MARCHF1: variants seen among roughly 807,000 people sequenced by gnomAD.
MARCHF1 encodes E3 ubiquitin-protein ligase MARCHF1.
A neutral mutation model predicts 54.2 loss-of-function variants in MARCHF1; 40 were observed. The ratio of observed to expected loss-of-function variants is 0.74; its 90% CI spans 0.57 to 0.96. The LOEUF (loss-of-function observed/expected upper bound fraction) is 0.96. MARCHF1 is among the 40% of genes least tolerant of loss of function. The probability of loss-of-function intolerance (pLI) is 0.00; values close to 1 mark genes in which losing one functional copy is unlikely to be tolerated. For missense variants in MARCHF1, 586 were observed against 656.5 expected, an observed-to-expected ratio of 0.89 and a Z score of 1.17; for synonymous variants, 236 against 236.3, an observed-to-expected ratio of 1.00 and a Z score of 0.01.
chr4:164,265,434 T>C (rs999397326), intron 1 of MARCHF1, among the ~76,000 whole-genome samples: 3 of 150,310 alleles, frequency 2.0e-5, no homozygotes, highest in Non-Finnish European at 4.4e-5. Flanking sequence ...TCATTCAAAG[T>C]AGCTAAGGGC....
chr4:163,768,007 C>T (rs1457667465), intron 4 of MARCHF1, among the ~76,000 whole-genome samples: 2 of 152,036 alleles, frequency 1.3e-5, no homozygotes, highest in African/African-American at 4.8e-5. Context: ...CAGAGATGGC[C>T]AAGTTTATTT....
intron 1 of MARCHF1, among the ~76,000 whole-genome samples, chr4:164,337,058 A>C (rs1438729376): frequency 6.6e-6 from 1 of 152,114 alleles, no homozygotes; most frequent in Non-Finnish European, 1.5e-5. Flanking sequence ...GGAGGAGAGA[A>C]AGGAAAGGCA....
At chr4:163,806,433 T>A (rs1035379311) in intron 4 of MARCHF1, among the ~76,000 whole-genome samples, 17 of 152,190 alleles carry the variant, frequency 1.1e-4, no homozygotes, top group African/African-American at 3.9e-4. Context: ...TTTTCTTTTC[T>A]TGTTAATTGC....
At chr4:163,692,128 T>G (rs1744477413) in intron 5 of MARCHF1, among the ~76,000 whole-genome samples, 1 of 152,204 alleles carries the variant, frequency 6.6e-6, no homozygotes, top group African/African-American at 2.4e-5. Flanking sequence ...GATCCCATGT[T>G]AAGAACTTAT....
intron 1 of MARCHF1, among the ~76,000 whole-genome samples, chr4:164,292,058 T>G (rs1052698363): frequency 2.6e-5 from 4 of 152,254 alleles, no homozygotes; most frequent in Admixed American, 2.6e-4. Context: ...TTATTGAATA[T>G]ACAATGCTAT....
At chr4:163,537,066 A>T (rs1177445181) in intron 9 of MARCHF1, among the ~76,000 whole-genome samples, 1 of 152,138 alleles carries the variant, frequency 6.6e-6, no homozygotes, top group African/African-American at 2.4e-5. Context: ...ACAGACAGCC[A>T]GCTCTTTTTC....
At chr4:163,675,422 C>A (rs972257640) in intron 5 of MARCHF1, among the ~76,000 whole-genome samples, 2 of 152,066 alleles carry the variant, frequency 1.3e-5, no homozygotes, top group Non-Finnish European at 2.9e-5. Context: ...ATCAGGGGAA[C>A]GTGGGGTAGC....
At chr4:163,895,295 T>C (rs1486942987) in intron 3 of MARCHF1, among the ~76,000 whole-genome samples, 1 of 152,194 alleles carries the variant, frequency 6.6e-6, no homozygotes, top group Non-Finnish European at 1.5e-5. Flanking sequence ...GCTTCATTAT[T>C]GCCCTCACTT....
At chr4:163,529,853 G>A (rs1004869139) in intron 9 of MARCHF1, 2 of 152,012 alleles carry the variant, frequency 1.3e-5, no homozygotes, top group Non-Finnish European at 2.9e-5. Context: ...GGTCAAGAGT[G>A]TTAAATATAT....
intron 2 of MARCHF1, among the ~76,000 whole-genome samples, chr4:164,052,661 C>T (rs1455026221): frequency 1.3e-5 from 2 of 152,156 alleles, no homozygotes; most frequent in Non-Finnish European, 2.9e-5. Flanking sequence ...GCATGGCACC[C>T]ACCTGTGCTG....
At chr4:164,009,525 C>G (rs1051793239) in intron 2 of MARCHF1, among the ~76,000 whole-genome samples, 3 of 152,034 alleles carry the variant, frequency 2.0e-5, no homozygotes, top group African/African-American at 7.2e-5. Flanking sequence ...CATTGATTAA[C>G]CTAGATGCAA....
At chr4:163,917,951 A>G (rs1252483814) in intron 3 of MARCHF1, among the ~76,000 whole-genome samples, 1 of 152,104 alleles carries the variant, frequency 6.6e-6, no homozygotes, top group Non-Finnish European at 1.5e-5. Context: ...TGGTGATTTC[A>G]TCATGAAATC....
chr4:164,076,377 G>C (rs1754981524), intron 2 of MARCHF1, among the ~76,000 whole-genome samples: 1 of 152,130 alleles, frequency 6.6e-6, no homozygotes, highest in Admixed American at 6.6e-5. Context: ...ACTAGGTATT[G>C]ATGGAACGTA....
Position 164,202,783 on chromosome 4 carries a change from T to TAA in MARCHF1, c.-322-91123_-322-91122dup, listed in dbSNP as rs370441208. Among the ~76,000 whole-genome samples, 712 of 152,330 alleles carry TAA rather than the reference T, an allele frequency of 4.7e-3. 5 individuals carry two copies. The highest frequency in any genetic ancestry group is 7.8e-3 in the Non-Finnish European group (529 of 68,034). On this transcript the variant is annotated intron_variant, in intron 1 of 9. Coordinates refer to ENST00000514618, the MANE Select transcript of MARCHF1 (RefSeq NM_001394959.1). ...CCTACTATTTGCTTACGCCATTTCA[T>TAA]AAAACATAAAAGCATCCTTCAAGAT...
At chr4:164,360,587 A>C (rs1261462464) in intron 1 of MARCHF1, among the ~76,000 whole-genome samples, 1 of 152,104 alleles carries the variant, frequency 6.6e-6, no homozygotes, top group African/African-American at 2.4e-5. Flanking sequence ...GAGTTGTTTA[A>C]GTGTCGATTT....
intron 4 of MARCHF1, among the ~76,000 whole-genome samples, chr4:163,738,298 A>C (rs1404989254): frequency 6.6e-6 from 1 of 152,232 alleles, no homozygotes; most frequent in Non-Finnish European, 1.5e-5. Context: ...CCAAAGAACC[A>C]AAACCTTCTT....
intron 3 of MARCHF1, among the ~76,000 whole-genome samples, chr4:163,873,199 C>T (rs565299823): frequency 1.3e-5 from 2 of 152,318 alleles, no homozygotes; most frequent in South Asian, 4.1e-4. Flanking sequence ...ACTGGTAAAA[C>T]TGGAGCCTAA....
At chr4:164,096,647 C>T (rs1457825682) in intron 2 of MARCHF1, among the ~76,000 whole-genome samples, 1 of 151,584 alleles carries the variant, frequency 6.6e-6, no homozygotes, top group Non-Finnish European at 1.5e-5. Context: ...AAGGTGAACA[C>T]AAAGTAAAAA....
At chr4:163,932,850 C>T (rs1306396937) in intron 3 of MARCHF1, 1 of 627,556 alleles carries the variant, frequency 1.6e-6, no homozygotes, top group Non-Finnish European at 3.1e-6. Context: ...TGCAACTAAT[C>T]CAGAGAGTGG....
Sources: gnomAD v4.1 joint callset for allele counts (sites outside exome capture counted in the v4.1 genomes callset) on GRCh38, gnomAD v4.1.1 for gene constraint, MANE v1.5 for transcripts, NCBI Gene and HGNC (gene_info 2026-07-23, HGNC 2026-07-21) for gene names.